Variants in ZFAT observed in about 807,000 individuals in gnomAD.
The protein encoded by ZFAT is zinc finger and AT-hook domain containing, also known as zinc finger protein ZFAT.
In ZFAT, 64 loss-of-function variants were observed where a neutral mutation model predicts 117.7. The observed-to-expected ratio is 0.54, with a 90% CI of 0.44 to 0.67. The LOEUF is 0.67. ZFAT is among the 30% of genes least tolerant of loss of function. The pLI is 0.00. For missense variants in ZFAT, 1,433 were observed against 1,584.5 expected (o/e 0.90, Z 1.62); for synonymous variants, 679 against 615.0 (o/e 1.10, Z -1.54).
At chr8:134,821,475 T>G in the ZFAT span, among the ~76,000 whole-genome samples, 5 of 151,660 alleles carry the variant, frequency 3.3e-5, no homozygotes, top group Admixed American at 1.3e-4. Context: ...AGAGGTAAAC[T>G]GACAAAAACT....
In ZFAT at chr8:134,600,419, T is replaced by C. The variant is rs1827326826; in HGVS notation, c.2475+17A>G. Reference sequence around the variant, plus strand: ...CACCCAGGGGAGACGGGGCTGCCGCTTGGGCTTGCTACTTACCAGTGCTGT... The same window carrying C: ...CACCCAGGGGAGACGGGGCTGCCGCCTGGGCTTGCTACTTACCAGTGCTGT... On this transcript the variant is annotated intron_variant, in intron 7 of 15. Coordinates refer to ENST00000377838, the MANE Select transcript of ZFAT (RefSeq NM_020863.4). The C allele has an allele frequency of 1.2e-6, 2 of 1,610,434 alleles. No individual in the cohort carries two copies. Among genetic ancestry groups the C allele is most frequent in the African/African-American group, 2.7e-5 (2 of 74,866 alleles).
At chr8:134,808,379 C>G in the ZFAT span, among the ~76,000 whole-genome samples, 1 of 152,224 alleles carries the variant, frequency 6.6e-6, no homozygotes, top group Non-Finnish European at 1.5e-5. Context: ...AGGAGCACAG[C>G]ACTTACTCTT....
chr8:134,656,521 T>C (rs977261108), intron 2 of ZFAT, among the ~76,000 whole-genome samples: 1 of 152,234 alleles, frequency 6.6e-6, no homozygotes, highest in Non-Finnish European at 1.5e-5. Context: ...TCCCAAAAAC[T>C]TAATCTTCTG....
At chr8:134,507,491 C>T (rs556214846) in intron 15 of ZFAT, among the ~76,000 whole-genome samples, 27 of 152,272 alleles carry the variant, frequency 1.8e-4, no homozygotes, top group Middle Eastern at 6.8e-3. Flanking sequence ...CAGTTCCCCA[C>T]GACTGTGTTC....
chr8:134,661,294 C>A (rs575940819), intron 1 of ZFAT, among the ~76,000 whole-genome samples: 1 of 152,138 alleles, frequency 6.6e-6, no homozygotes, highest in Admixed American at 6.5e-5. Context: ...CAGGGACCTG[C>A]GCCCACAGGG....
chr8:134,809,706 A>C, the ZFAT span, among the ~76,000 whole-genome samples: 1 of 152,208 alleles, frequency 6.6e-6, no homozygotes, highest in African/African-American at 2.4e-5. Flanking sequence ...TCATGTCGGT[A>C]AACTGTCTGC....
In ZFAT at chr8:134,488,455, G is replaced by A. The variant is rs867846270; in HGVS notation, c.3493-9734C>T. 1.6e-4 allele frequency among the ~76,000 whole-genome samples: 24 copies of A among 152,288 alleles called. No individual in the cohort carries two copies. The Middle Eastern group carries it at 0.014, about 86-fold the overall frequency. On this transcript the variant is annotated intron_variant, in intron 15 of 15. Transcript: ENST00000377838. ...CCTGATTTGCAAGACAAATCGAGGT[G>A]GCCTCTGTGTTTAGACACCGCTAAG... is the stretch of plus-strand genomic sequence containing the variant.
intron 1 of ZFAT, among the ~76,000 whole-genome samples, chr8:134,683,412 A>G (rs567696171): frequency 1.3e-5 from 2 of 152,234 alleles, no homozygotes; most frequent in Admixed American, 6.5e-5. Context: ...GCGCATCTAC[A>G]TATGAACATA....
Position 134,672,559 on chromosome 8 carries a change from TA to T in ZFAT, c.20-14823del, listed in dbSNP as rs561374545. Among the ~76,000 whole-genome samples the T allele has an allele frequency of 9.4e-4, 139 of 148,410 alleles. 2 individuals are homozygous for T. The South Asian group carries it at 0.021, about 23-fold the overall frequency. On this transcript the variant is annotated intron_variant, in intron 1 of 15. Transcript: ENST00000377838. Reference sequence around the variant, plus strand: ...TACCCTAGAACTTAAAGTATAATAATAAAAAAAAAGAAATCCATGCCAAGAC... The same window carrying T: ...TACCCTAGAACTTAAAGTATAATAATAAAAAAAAGAAATCCATGCCAAGAC...
At chr8:134,511,887 T>C (rs1473459230) in intron 14 of ZFAT, among the ~76,000 whole-genome samples, 1 of 152,184 alleles carries the variant, frequency 6.6e-6, no homozygotes, top group African/African-American at 2.4e-5. Context: ...GATCCTGGTC[T>C]TTCAGGTCTG....
In ZFAT at chr8:134,712,825, C is replaced by A; in HGVS notation, c.19+20G>T. ...GCCCCACCCCCACCCCGTCTCACCC[C>A]AACCCCCAGCCCGGCTCACCTGCCG... On this transcript the variant is annotated intron_variant, in intron 1 of 15. Transcript: ENST00000377838. 4.8e-6 allele frequency: 7 copies of A among 1,448,194 alleles called. No homozygotes were observed. The highest frequency in any genetic ancestry group is 6.5e-6 in the Non-Finnish European group (7 of 1,084,776). The allele number at this position is 1,448,194 out of a possible 1,614,324, so 89.7% of individuals were successfully genotyped here.
At chr8:134,522,943 T>C (rs1820767192) in intron 12 of ZFAT, among the ~76,000 whole-genome samples, 1 of 152,196 alleles carries the variant, frequency 6.6e-6, no homozygotes, top group Non-Finnish European at 1.5e-5. Context: ...TCCTGTACTA[T>C]ACAATTCTGT....
At chr8:134,626,416 G>A (rs919314826) in intron 3 of ZFAT, among the ~76,000 whole-genome samples, 3 of 152,200 alleles carry the variant, frequency 2.0e-5, no homozygotes, top group African/African-American at 7.2e-5. Context: ...CCTTCACCTA[G>A]CAGAGCCTCA....
chr8:134,669,118 A>G (rs1343070580), intron 1 of ZFAT, among the ~76,000 whole-genome samples: 1 of 152,228 alleles, frequency 6.6e-6, no homozygotes, highest in Non-Finnish European at 1.5e-5. Context: ...GACCAAATCT[A>G]CGTCTGATCG....
intron 7 of ZFAT, among the ~76,000 whole-genome samples, 173 bp from the exon 8 acceptor site, chr8:134,590,528 A>G (rs1377647224): frequency 6.7e-6 from 1 of 149,870 alleles, no homozygotes; most frequent in African/African-American, 2.5e-5. Context: ...CATCATCACC[A>G]CCACTAGCAC....
At chr8:134,606,525 G>A (rs1357259996) in intron 5 of ZFAT, among the ~76,000 whole-genome samples, 3 of 152,066 alleles carry the variant, frequency 2.0e-5, no homozygotes, top group African/African-American at 4.8e-5. Context: ...GAACAGCCTG[G>A]CCAACATAGT....
At chr8:134,603,017 T>G in intron 5 of ZFAT, 84 bp from the exon 6 acceptor site, 2 of 1,524,326 alleles carry the variant, frequency 1.3e-6, no homozygotes, top group Non-Finnish European at 1.8e-6. Context: ...AACCAAACAC[T>G]AAAGGCTGAA....
chr8:134,622,201 C>T (rs913339252), intron 3 of ZFAT, among the ~76,000 whole-genome samples: 2 of 152,198 alleles, frequency 1.3e-5, no homozygotes, highest in South Asian at 2.1e-4. Context: ...TCATGAGCTG[C>T]GACAGAGCCC....
chr8:134,553,111 C>T (rs963281823), intron 11 of ZFAT, among the ~76,000 whole-genome samples: 4 of 152,124 alleles, frequency 2.6e-5, no homozygotes, highest in Admixed American at 6.5e-5. Flanking sequence ...TGAAAGCATA[C>T]GCAGCAGGTC....
Sources: allele counts gnomAD v4.1 joint callset (sites outside exome capture counted in the v4.1 genomes callset), GRCh38; gene constraint gnomAD v4.1.1; transcripts MANE v1.5; gene names NCBI Gene and HGNC (gene_info 2026-07-23, HGNC 2026-07-21).